Variants in CRYBG1 observed in about 807,000 individuals in gnomAD.
The protein encoded by CRYBG1 is beta/gamma crystallin domain-containing protein 1.
CRYBG1 carries 139 observed loss-of-function variants against 189.2 expected under a neutral mutation model. The observed-to-expected ratio is 0.73, with a 90% CI of 0.64 to 0.85. The LOEUF is 0.85. Ranked by LOEUF, CRYBG1 falls within the 40% of genes least tolerant of loss-of-function variation. The pLI is 0.00. For missense variants in CRYBG1, 2,611 were observed against 2,675.8 expected (o/e 0.98, Z 0.53); for synonymous variants, 1,023 against 1,017.1 (o/e 1.01, Z -0.11).
intron 8 of CRYBG1, among the ~76,000 whole-genome samples, chr6:106,538,143 C>T (rs1009410636): frequency 7.0e-6 from 1 of 143,760 alleles, no homozygotes; most frequent in Admixed American, 6.9e-5. Context: ...TAAGTGATCA[C>T]TAAGAAGTCT....
Position 106,436,824 on chromosome 6 carries a change from T to G in CRYBG1, c.174-14870T>G, listed in dbSNP as rs115190940. On this transcript the variant is annotated intron_variant, in intron 1 of 21. Transcript: ENST00000633556. The stretch of plus-strand genomic sequence containing the variant: ...TCAAATCATTTCCTAAAAGTAGAGT[T>G]ATAGGGGATAGGTATAGTAGCATTT... Among the ~76,000 whole-genome samples, 358 of 152,256 alleles carry G rather than the reference T, an allele frequency of 2.4e-3. 2 individuals carry two copies. Among genetic ancestry groups the G allele is most frequent in the African/African-American group, 8.0e-3 (332 of 41,538 alleles).
intron 1 of CRYBG1, among the ~76,000 whole-genome samples, chr6:106,433,731 A>ATATATGTG (rs1554235092): frequency 1.1e-4 from 6 of 53,356 alleles, no homozygotes; most frequent in African/African-American, 4.2e-4. Context: ...ATATATATAT[A>ATATATGTG]TATACATATA....
At chr6:106,485,393 G>T (rs1274741622) in intron 2 of CRYBG1, among the ~76,000 whole-genome samples, 1 of 152,112 alleles carries the variant, frequency 6.6e-6, no homozygotes, top group East Asian at 1.9e-4. Context: ...GTTCTAACAG[G>T]TTTTTTTGGT....
At position 106,512,406 on chromosome 6, in the gene CRYBG1, C is replaced by G; in HGVS notation, c.1289C>G (p.Ser430Cys). Residue 430 changes from serine to cysteine, a missense_variant, in exon 3 of 22, where the codon TCC becomes TGC. Transcript: ENST00000633556. ...RRRGSQKSTD[S>C]PGADAELPES... The stretch of plus-strand genomic sequence containing the variant: ...AGGGGGTCGCAGAAATCCACCGACT[C>G]CCCCGGCGCGGACGCCGAGCTCCCT... 1 of 1,608,850 alleles carries G rather than the reference C, an allele frequency of 6.2e-7. No individual in the cohort carries two copies. Among genetic ancestry groups the G allele is most frequent in the South Asian group, 1.1e-5 (1 of 90,304 alleles).
At chr6:106,448,956 C>A (rs1477899004) in intron 1 of CRYBG1, among the ~76,000 whole-genome samples, 1 of 152,172 alleles carries the variant, frequency 6.6e-6, no homozygotes, top group Non-Finnish European at 1.5e-5. Flanking sequence ...AGAAATGTAG[C>A]AGTGACTAAA....
At position 106,519,508 on chromosome 6, in the gene CRYBG1, T is replaced by A. The variant is rs754103524; in HGVS notation, c.2300T>A (p.Met767Lys). The A allele has an allele frequency of 1.2e-6, 2 of 1,614,086 alleles. No individual in the cohort carries two copies. The highest frequency in any genetic ancestry group is 2.2e-5 in the South Asian group (2 of 91,068). Reference sequence around the variant, plus strand: ...GAGATTCTGCCAGCAACCAGAGGAATGAATGGAGACTCTTCTGAGAATCAA... The same window carrying A: ...GAGATTCTGCCAGCAACCAGAGGAAAGAATGGAGACTCTTCTGAGAATCAA... ...EEEILPATRG[M>K]NGDSSENQAL... is the part of the protein sequence containing the mutation. Residue 767 changes from methionine (M) to lysine (K), a missense_variant, in exon 4 of 22, where the codon ATG (methionine) becomes AAG (lysine). Met to Lys is a moderately conservative substitution (Grantham distance 95). Coordinates refer to ENST00000633556, the MANE Select transcript of CRYBG1 (RefSeq NM_001371242.2).
chr6:106,413,790 A>G (rs971060642), intron 1 of CRYBG1, among the ~76,000 whole-genome samples: 3 of 152,196 alleles, frequency 2.0e-5, no homozygotes, highest in Admixed American at 6.5e-5. Context: ...CTCCATCACA[A>G]AAGCCTCGTT....
chr6:106,543,538 G>T lies in CRYBG1; in HGVS notation c.4980G>T (p.Ala1660=). Residue 1660 remains alanine, a synonymous_variant, in exon 11 of 22, where the codon GCG becomes GCT. Coordinates refer to ENST00000633556, the MANE Select transcript of CRYBG1 (RefSeq NM_001371242.2). The stretch of plus-strand genomic sequence containing the variant: ...TGGAGGGAGGTGAAACAGAAGAGGC[G>T]ACTGGAGACGATCATTTGCCGTTTA... The part of the protein sequence containing the change: ...FVMEGGETEE[A]TGDDHLPFTS... 1 of 1,614,068 alleles carries T rather than the reference G, an allele frequency of 6.2e-7. No homozygotes were observed. The highest frequency in any genetic ancestry group is 1.1e-5 in the South Asian group (1 of 91,070).
At chr6:106,456,909 T>G (rs891002975) in intron 2 of CRYBG1, among the ~76,000 whole-genome samples, 1 of 152,154 alleles carries the variant, frequency 6.6e-6, no homozygotes, top group African/African-American at 2.4e-5. Flanking sequence ...TGGGCTGGCC[T>G]AGGACACAAT....
chr6:106,533,580 G>A (rs986437197), intron 8 of CRYBG1, among the ~76,000 whole-genome samples: 18 of 152,306 alleles, frequency 1.2e-4, no homozygotes, highest in African/African-American at 1.4e-4. Flanking sequence ...TGGCTTAGAC[G>A]TGCGATGGTG....
chr6:106,402,023 A>G (rs1770729375), intron 1 of CRYBG1, among the ~76,000 whole-genome samples: 1 of 143,552 alleles, frequency 7.0e-6, no homozygotes, highest in Non-Finnish European at 1.5e-5. Flanking sequence ...AGAGAGCCAA[A>G]TCATGAGTGA....
chr6:106,486,140 GT>G (rs1204732951), intron 2 of CRYBG1, among the ~76,000 whole-genome samples: 1 of 152,054 alleles, frequency 6.6e-6, no homozygotes, highest in Non-Finnish European at 1.5e-5. Context: ...TGTCCCACAG[GT>G]TTTGCTTTGA....
At chr6:106,395,148 A>T (rs1178332556) in intron 1 of CRYBG1, among the ~76,000 whole-genome samples, 1 of 151,924 alleles carries the variant, frequency 6.6e-6, no homozygotes, top group Non-Finnish European at 1.5e-5. Flanking sequence ...TAATCCCAGC[A>T]CTTTGAGAGG....
At position 106,459,624 on chromosome 6, in the gene CRYBG1, G is replaced by A. The variant is rs375944194; in HGVS notation, c.312+7792G>A. Among the ~76,000 whole-genome samples the A allele has an allele frequency of 4.0e-5, 6 of 148,734 alleles. No homozygotes were observed. In the East Asian group the frequency reaches 1.2e-3, roughly 30 times the overall value. ...TCTATAAAAATGCCTCTTTAGAATT[G>A]CTGAGTAGTGTTCCATATGTAGAAT... On this transcript the variant is annotated intron_variant, in intron 2 of 21. Coordinates refer to ENST00000633556, the MANE Select transcript of CRYBG1 (RefSeq NM_001371242.2).
At chr6:106,381,921 A>C (rs1204747072) in intron 1 of CRYBG1, among the ~76,000 whole-genome samples, 2 of 152,224 alleles carry the variant, frequency 1.3e-5, no homozygotes, top group East Asian at 3.8e-4. Context: ...ACAGGGGTAC[A>C]GCCAGAGTAC....
Position 106,451,724 on chromosome 6 carries a change from G to A in CRYBG1, c.204G>A (p.Val68=). ...RALDVVDGKY[V]VRDSQEFPLH... is the part of the protein sequence containing the mutation. ...TGGATGTAGTCGATGGAAAATATGTGGTTCGAGACTCCCAGGAATTTCCAC... is the reference window on the plus strand; with the variant it reads ...TGGATGTAGTCGATGGAAAATATGTAGTTCGAGACTCCCAGGAATTTCCAC... The change falls in exon 2 of 22, where the codon GTG becomes GTA. Residue 68 remains valine (V), a synonymous_variant. Coordinates refer to ENST00000633556, the MANE Select transcript of CRYBG1 (RefSeq NM_001371242.2). 6.5e-7 allele frequency: 1 copy of A among 1,534,164 alleles called. No individual in the cohort carries two copies. The highest frequency in any genetic ancestry group is 2.4e-5 in the East Asian group (1 of 40,864).
intron 1 of CRYBG1, among the ~76,000 whole-genome samples, chr6:106,395,509 G>A (rs180780851): frequency 4.4e-4 from 66 of 151,572 alleles, no homozygotes; most frequent in African/African-American, 1.5e-3. Flanking sequence ...ATATTTTAAT[G>A]CTATATCTTC....
At chr6:106,371,032 C>A (rs1010133170) in intron 1 of CRYBG1, among the ~76,000 whole-genome samples, 1 of 152,088 alleles carries the variant, frequency 6.6e-6, no homozygotes, top group Non-Finnish European at 1.5e-5. Flanking sequence ...AAAAATAACT[C>A]AATTCATGAT....
At chr6:106,388,548 T>G (rs374573493) in intron 1 of CRYBG1, among the ~76,000 whole-genome samples, 3 of 152,220 alleles carry the variant, frequency 2.0e-5, no homozygotes, top group Non-Finnish European at 4.4e-5. Flanking sequence ...ATTTTATGTG[T>G]GTTAAAAAGT....
Sources: allele counts gnomAD v4.1 joint callset (sites outside exome capture counted in the v4.1 genomes callset), GRCh38; gene constraint gnomAD v4.1.1; transcripts MANE v1.5; gene names NCBI Gene and HGNC (gene_info 2026-07-23, HGNC 2026-07-21).